The following MBNL2 variants were observed in gnomAD, a reference collection of about 807,000 sequenced individuals.
MBNL2 encodes the protein muscleblind-like protein 2.
Under a neutral mutation model 41.9 loss-of-function variants are expected in MBNL2, and 17 were observed. That is an observed-to-expected ratio of 0.41 (90% CI 0.28 to 0.61). MBNL2 has a LOEUF of 0.61. MBNL2 is among the 20% of genes least tolerant of loss of function. MBNL2 has a pLI of 0.35. For missense variants in MBNL2, 336 were observed against 505.6 expected (o/e 0.66, Z 3.22); for synonymous variants, 195 against 182.9 (o/e 1.07, Z -0.53).
rs926836856 is a variant in MBNL2, at chr13:97,377,554, G to A, written c.1048+12383G>A. On this transcript the variant is annotated intron_variant, in intron 8 of 8. Coordinates refer to ENST00000679496, the MANE Select transcript of MBNL2 (RefSeq NM_001382683.1). Reference sequence around the variant, plus strand: ...AACCTAATTCCCTCCTTTTCTCCAAGTATTTTTTCCTAGTAATAATTTCAT... The same window carrying A: ...AACCTAATTCCCTCCTTTTCTCCAAATATTTTTTCCTAGTAATAATTTCAT... 7.9e-5 allele frequency among the ~76,000 whole-genome samples: 12 copies of A among 152,108 alleles called. 1 individual carries two copies. The highest frequency in any genetic ancestry group is 2.9e-4 in the African/African-American group (12 of 41,402).
At chr13:97,188,251 G>T in the MBNL2 span, among the ~76,000 whole-genome samples, 1 of 152,052 alleles carries the variant, frequency 6.6e-6, no homozygotes, top group Non-Finnish European at 1.5e-5. Context: ...TGCACCGGGG[G>T]CTCGCGATCC....
At chr13:97,167,413 G>T in the MBNL2 span, among the ~76,000 whole-genome samples, 1 of 151,536 alleles carries the variant, frequency 6.6e-6, no homozygotes, top group African/African-American at 2.4e-5. Flanking sequence ...GAAAAAAAGT[G>T]TGTCTAATAA....
chr13:97,193,780 A>G, the MBNL2 span, among the ~76,000 whole-genome samples: 1 of 152,190 alleles, frequency 6.6e-6, no homozygotes, highest in Non-Finnish European at 1.5e-5. Flanking sequence ...GCGGGTAGCC[A>G]GAGTCAGGCC....
intron 2 of MBNL2, among the ~76,000 whole-genome samples, chr13:97,285,514 T>G (rs148156898): frequency 2.5e-3 from 387 of 152,336 alleles, no homozygotes; most frequent in African/African-American, 9.1e-3. Flanking sequence ...AATTAATTGT[T>G]CAACAGAAAC....
intron 5 of MBNL2, among the ~76,000 whole-genome samples, chr13:97,354,315 C>T (rs188372868): frequency 6.6e-6 from 1 of 152,224 alleles, no homozygotes; most frequent in East Asian, 1.9e-4. Flanking sequence ...TCAAAATCAC[C>T]AAAAACTGAG....
intron 5 of MBNL2, among the ~76,000 whole-genome samples, 197 bp downstream of exon 5, chr13:97,347,264 T>A (rs2061970765): frequency 6.6e-6 from 1 of 152,156 alleles, no homozygotes; most frequent in Non-Finnish European, 1.5e-5. Context: ...TTCAGCACAA[T>A]AAGTAAATCC....
Position 97,366,415 on chromosome 13 carries a change from C to A in MBNL2, c.1048+1244C>A. 1.1e-6 allele frequency: 1 copy of A among 913,272 alleles called. No homozygotes were observed. Among genetic ancestry groups the A allele is most frequent in the Non-Finnish European group, 1.8e-6 (1 of 550,266 alleles). The allele number at this position is 913,272 out of a possible 1,614,324, so 56.6% of individuals were successfully genotyped here. A position where few individuals can be genotyped will look rare whatever the true frequency, so the allele number is the denominator to read the frequency against. ...AAATACCACTTCTATTACCATAATG[C>A]TACACCCTCCTGTTCATTGCTCCCA... On this transcript the variant is annotated intron_variant, in intron 8 of 8. Coordinates refer to ENST00000679496, the MANE Select transcript of MBNL2 (RefSeq NM_001382683.1). The surrounding 1 kb of genome is among the most constrained non-coding windows in gnomAD (Gnocchi z 4.7).
chr13:97,261,820 TC>T (rs2048685370), intron 1 of MBNL2, among the ~76,000 whole-genome samples: 1 of 152,262 alleles, frequency 6.6e-6, no homozygotes, highest in South Asian at 2.1e-4. Context: ...ATCCCTCACT[TC>T]CCACCTTCTG....
intron 7 of MBNL2, among the ~76,000 whole-genome samples, chr13:97,358,750 G>A (rs1275003352): frequency 6.6e-6 from 1 of 152,190 alleles, no homozygotes; most frequent in Non-Finnish European, 1.5e-5. Context: ...TGAAATGAAA[G>A]TAAATATAAA....
intron 2 of MBNL2, among the ~76,000 whole-genome samples, chr13:97,303,716 A>G (rs933349402): frequency 1.3e-5 from 2 of 152,226 alleles, no homozygotes; most frequent in African/African-American, 4.8e-5. Flanking sequence ...TTGTTTTCCA[A>G]TAAAGTATTT....
chr13:97,266,923 T>G lies in MBNL2; in HGVS notation c.-604-8709T>G, dbSNP rs2049944916. On this transcript the variant is annotated intron_variant, in intron 1 of 8. Coordinates refer to ENST00000679496, the MANE Select transcript of MBNL2 (RefSeq NM_001382683.1). Reference sequence around the variant, plus strand: ...AAATAGGCTTGTTTTGCAAAGATCCTTTAATCAGCTCCCTAGGAGGCCGAT... The same window carrying G: ...AAATAGGCTTGTTTTGCAAAGATCCGTTAATCAGCTCCCTAGGAGGCCGAT... Among the ~76,000 whole-genome samples, 4 of 152,164 alleles carry G rather than the reference T, an allele frequency of 2.6e-5. No homozygotes were observed. The South Asian group carries it at 8.3e-4, about 31-fold the overall frequency.
At chr13:97,278,045 G>C (rs974293002) in intron 2 of MBNL2, among the ~76,000 whole-genome samples, 3 of 151,978 alleles carry the variant, frequency 2.0e-5, no homozygotes, top group African/African-American at 4.8e-5. Context: ...CACGAGATCA[G>C]GGGTTTGAGA....
chr13:97,326,283 ATT>A (rs1293011832), intron 2 of MBNL2, among the ~76,000 whole-genome samples: 3 of 152,172 alleles, frequency 2.0e-5, no homozygotes, highest in Admixed American at 2.0e-4. Context: ...GTCTACCACT[ATT>A]TGTGTTTTTC....
rs140538394 is a variant in MBNL2, at chr13:97,324,828, G to T, written c.175-9448G>T. 1.1e-4 allele frequency among the ~76,000 whole-genome samples: 17 copies of T among 152,238 alleles called. No homozygotes were observed. In the East Asian group the frequency reaches 3.1e-3, roughly 28 times the overall value. On this transcript the variant is annotated intron_variant, in intron 2 of 8. Coordinates refer to ENST00000679496, the MANE Select transcript of MBNL2 (RefSeq NM_001382683.1). ...CCAAAGAACTTGGAGTCCGATGTTC[G>T]AGGGAAGGAAGCATCCTGCATGGGA...
chr13:97,279,224 G>A (rs1297114701), intron 2 of MBNL2, among the ~76,000 whole-genome samples: 1 of 152,220 alleles, frequency 6.6e-6, no homozygotes, highest in Non-Finnish European at 1.5e-5. Flanking sequence ...AGCAGCAAGG[G>A]CTTTGAAATC....
chr13:97,382,653 A>T (rs749582419), intron 8 of MBNL2, among the ~76,000 whole-genome samples: 1 of 150,674 alleles, frequency 6.6e-6, no homozygotes, highest in Non-Finnish European at 1.5e-5. Context: ...TCTTGATGCC[A>T]TGGTTTCATC....
intron 1 of MBNL2, among the ~76,000 whole-genome samples, chr13:97,246,275 TCACACACACACACACA>T (rs34830044): frequency 3.4e-5 from 5 of 145,904 alleles, no homozygotes; most frequent in East Asian, 2.0e-4. Context: ...TACTGTTATT[TCACACACACACACACA>T]CACACACACA....
chr13:97,162,079 G>A, the MBNL2 span, among the ~76,000 whole-genome samples: 2 of 152,166 alleles, frequency 1.3e-5, no homozygotes, highest in Non-Finnish European at 2.9e-5. Context: ...ACTGGCGTAG[G>A]AGGAAGAGGA....
chr13:97,307,240 T>A (rs1315222842), intron 2 of MBNL2, among the ~76,000 whole-genome samples: 1 of 152,156 alleles, frequency 6.6e-6, no homozygotes, highest in Non-Finnish European at 1.5e-5. Flanking sequence ...CCTCTCCTTA[T>A]TTTTCTTGGT....
Sources: allele counts gnomAD v4.1 joint callset (sites outside exome capture counted in the v4.1 genomes callset), GRCh38; gene constraint gnomAD v4.1.1; non-coding constraint Gnocchi (gnomAD v3.1); transcripts MANE v1.5; gene names NCBI Gene and HGNC (gene_info 2026-07-23, HGNC 2026-07-21).